PRRC2B: variants seen among roughly 807,000 people sequenced by gnomAD.
The protein encoded by PRRC2B is proline rich coiled-coil 2B.
A neutral mutation model predicts 242.3 loss-of-function variants in PRRC2B; 68 were observed. The ratio of observed to expected loss-of-function variants is 0.28; its 90% CI spans 0.23 to 0.34. PRRC2B has a LOEUF of 0.34. PRRC2B is among the 10% of genes least tolerant of loss of function. PRRC2B has a pLI of 1.00. For synonymous variants in PRRC2B, 1,228 were observed against 1,173.6 expected (o/e 1.05, Z -0.95); for missense variants, 2,835 against 2,954.8 (o/e 0.96, Z 0.94).
intron 13 of PRRC2B, 150 bp from the exon 14 acceptor site, chr9:131,470,638 T>C (rs1943515956): frequency 1.6e-6 from 1 of 632,256 alleles, no homozygotes; most frequent in African/African-American, 1.9e-5. Flanking sequence ...GGCTTCCCCT[T>C]GAGCAGCTGC....
intron 19 of PRRC2B, among the ~76,000 whole-genome samples, chr9:131,481,128 C>T (rs568844853): frequency 1.2e-4 from 18 of 151,552 alleles, no homozygotes; most frequent in Admixed American, 2.6e-4. Context: ...GGTGAAACCC[C>T]GTCGCTCCTA....
chr9:131,378,169 C>T (rs571862293), intron 1 of PRRC2B, among the ~76,000 whole-genome samples: 49 of 151,938 alleles, frequency 3.2e-4, no homozygotes, highest in Non-Finnish European at 5.1e-4. Context: ...ATTAGCCAGG[C>T]GTGGTGGTAC....
At chr9:131,374,217 C>T (rs117537105) in intron 1 of PRRC2B, among the ~76,000 whole-genome samples, 4 of 151,850 alleles carry the variant, frequency 2.6e-5, no homozygotes, top group Non-Finnish European at 4.4e-5. Context: ...TTAAAAATAC[C>T]AAAGAAAATC....
chr9:131,498,144 A>G lies in PRRC2B; in HGVS notation c.*2270A>G, dbSNP rs1458465487. ...TGCTGTTTGAGAAAAAATAAAAACAAAAAGGTCACCTGTTCTCCAGCCCTT... is the reference window on the plus strand; with the variant it reads ...TGCTGTTTGAGAAAAAATAAAAACAGAAAGGTCACCTGTTCTCCAGCCCTT... On this transcript the variant is annotated 3_prime_UTR_variant, in exon 32 of 32. Transcript: ENST00000683519. 1.3e-5 allele frequency: 2 copies of G among 152,136 alleles called. No homozygotes were observed. The highest frequency in any genetic ancestry group is 2.9e-5 in the Non-Finnish European group (2 of 68,040). The allele number at this position is 152,136 out of a possible 1,614,324, so 9.4% of individuals were successfully genotyped here.
chr9:131,471,795 T>G (rs1210054871), intron 14 of PRRC2B, among the ~76,000 whole-genome samples: 1 of 152,264 alleles, frequency 6.6e-6, no homozygotes, highest in East Asian at 1.9e-4. Flanking sequence ...AATTCTTTTT[T>G]AACATTCTAC....
At position 131,448,547 on chromosome 9, in the gene PRRC2B, A is replaced by AAAAAAAAAAAAAAAAAC. The variant is rs1564287277; in HGVS notation, c.1120+759_1120+760insCAAAAAAAAAAAAAAAA. On this transcript the variant is annotated intron_variant, in intron 9 of 31. Transcript: ENST00000683519. ...CGACAGAGGGAGACACTGTCTCAAAAAAAAAAAAAAAAAAAAAAAAAAAGG... is the reference window on the plus strand; with the variant it reads ...CGACAGAGGGAGACACTGTCTCAAAAAAAAAAAAAAAAAAAACAAAAAAAAAAAAAAAAAAAAAAAGG... 2.2e-4 allele frequency among the ~76,000 whole-genome samples: 22 copies of AAAAAAAAAAAAAAAAAC among 98,874 alleles called. 2 individuals are homozygous for AAAAAAAAAAAAAAAAAC. The highest frequency in any genetic ancestry group is 4.2e-4 in the Non-Finnish European group (20 of 47,444). The allele number at this position is 98,874 out of a possible 152,430, so 64.9% of individuals were successfully genotyped here.
At position 131,447,723 on chromosome 9, in the gene PRRC2B, G is replaced by A; in HGVS notation, c.1039G>A (p.Ala347Thr). ...LRPLRQLVER[A>T]PRPTIINAEN... is the part of the protein sequence containing the mutation. ...CCCACTAAGGCAGCTGGTGGAGCGGGCACCACGGCCCACCATTATCAATGC... is the reference window on the plus strand; with the variant it reads ...CCCACTAAGGCAGCTGGTGGAGCGGACACCACGGCCCACCATTATCAATGC... Residue 347 changes from alanine (A) to threonine (T), a missense_variant, in exon 9 of 32, where the codon GCA becomes ACA. Coordinates refer to ENST00000683519, the MANE Select transcript of PRRC2B (RefSeq NM_013318.4). 1.2e-6 allele frequency: 2 copies of A among 1,613,534 alleles called. No homozygotes were observed. Among genetic ancestry groups the A allele is most frequent in the Non-Finnish European group, 1.7e-6 (2 of 1,179,656 alleles).
rs907244883 is a variant in PRRC2B, at chr9:131,487,477, G to C, written c.5984+183G>C. 1.3e-5 allele frequency among the ~76,000 whole-genome samples: 2 copies of C among 152,182 alleles called. No individual in the cohort carries two copies. The highest frequency in any genetic ancestry group is 3.9e-4 in the East Asian group (2 of 5,184). On this transcript the variant is annotated intron_variant, in intron 27 of 31. Transcript: ENST00000683519. The surrounding 1 kb of genome is among the most constrained non-coding windows in gnomAD (Gnocchi z 5.3). ...GTTAACTGTGCTCTAGGAGAGGCCT[G>C]GGGCGAGCTGATATGTGGTGGGCCG...
chr9:131,484,869 C>T (rs1340640728), intron 24 of PRRC2B, 79 bp downstream of exon 24: 2 of 1,566,132 alleles, frequency 1.3e-6, no homozygotes, highest in African/African-American at 1.4e-5. Flanking sequence ...AGTCCCCGAA[C>T]CCCTAAAGCT....
upstream of PRRC2B, among the ~76,000 whole-genome samples, chr9:131,389,729 C>G (rs1005911504): frequency 3.9e-4 from 58 of 149,692 alleles, 2 homozygotes; most frequent in African/African-American, 1.4e-3. Flanking sequence ...CAGGCATCCA[C>G]TTTTCAACCA....
chr9:131,441,854 G>C (rs938317687), intron 5 of PRRC2B, among the ~76,000 whole-genome samples: 15 of 152,192 alleles, frequency 9.9e-5, no homozygotes, highest in African/African-American at 3.4e-4. Context: ...CCCACCAGTG[G>C]CTCAGCCTGT....
intron 9 of PRRC2B, 96 bp from the exon 10 acceptor site, chr9:131,454,980 G>A (rs1289654193): frequency 2.0e-5 from 18 of 898,936 alleles, no homozygotes; most frequent in South Asian, 1.7e-4. Flanking sequence ...CCTCAGCCTC[G>A]CAAAGTACTG....
chr9:131,463,646 T>TTC (rs55815881), intron 11 of PRRC2B, among the ~76,000 whole-genome samples: 269 of 147,434 alleles, frequency 1.8e-3, no homozygotes, highest in Non-Finnish European at 3.2e-3. Flanking sequence ...TTTTTTTTTT[T>TTC]CTTAATGGGA....
rs561735735 is a variant in PRRC2B, at chr9:131,387,292, C to T, written c.-56+13561C>T. Reference sequence around the variant, plus strand: ...CTGGGATTACAGGCGTGAGCCACCGCGCCCGGCCACCTGTCTCTCTCTCTC... The same window carrying T: ...CTGGGATTACAGGCGTGAGCCACCGTGCCCGGCCACCTGTCTCTCTCTCTC... On this transcript the variant is annotated intron_variant, in intron 1 of 1. Coordinates refer to the PRRC2B transcript ENST00000682525. 1.3e-4 allele frequency among the ~76,000 whole-genome samples: 19 copies of T among 150,104 alleles called. 2 individuals are homozygous for T. Among genetic ancestry groups the T allele is most frequent in the Non-Finnish European group, 2.5e-4 (17 of 67,456 alleles).
intron 9 of PRRC2B, among the ~76,000 whole-genome samples, chr9:131,454,828 G>A (rs1943022970): frequency 6.6e-6 from 1 of 152,004 alleles, no homozygotes; most frequent in Non-Finnish European, 1.5e-5. Context: ...TAGAGACGGG[G>A]TTTCACCATG....
At chr9:131,451,260 G>A (rs914203747) in intron 9 of PRRC2B, among the ~76,000 whole-genome samples, 3 of 152,118 alleles carry the variant, frequency 2.0e-5, no homozygotes, top group African/African-American at 4.8e-5. Context: ...TTAGCCGGGC[G>A]TGTTGGCACG....
intron 1 of PRRC2B, among the ~76,000 whole-genome samples, chr9:131,387,462 TTA>T (rs1334883262): frequency 5.3e-5 from 8 of 150,344 alleles, no homozygotes; most frequent in Non-Finnish European, 7.4e-5. Flanking sequence ...GATTAATACT[TTA>T]TATCTTTCAA....
At chr9:131,480,184 C>T (rs1028372964) in intron 19 of PRRC2B, among the ~76,000 whole-genome samples, 2 of 152,204 alleles carry the variant, frequency 1.3e-5, no homozygotes, top group Non-Finnish European at 2.9e-5. Context: ...AGGGACTTGA[C>T]TCAGGGACTC....
chr9:131,375,043 C>G (rs1297456996), intron 1 of PRRC2B, among the ~76,000 whole-genome samples: 1 of 152,130 alleles, frequency 6.6e-6, no homozygotes, highest in Admixed American at 6.6e-5. Context: ...GAGTCCTGTC[C>G]CTTCCATACA....
Sources: gnomAD v4.1 joint callset for allele counts (sites outside exome capture counted in the v4.1 genomes callset) on GRCh38, gnomAD v4.1.1 for gene constraint, Gnocchi (gnomAD v3.1) non-coding constraint, MANE v1.5 for transcripts, NCBI Gene and HGNC (gene_info 2026-07-23, HGNC 2026-07-21) for gene names.